Variants in ARRB1 observed in about 807,000 individuals in gnomAD.
ARRB1 encodes beta-arrestin-1.
In ARRB1, 21 loss-of-function variants were observed where a neutral mutation model predicts 56.8. That is an observed-to-expected ratio of 0.37 (90% CI 0.26 to 0.53). The LOEUF (loss-of-function observed/expected upper bound fraction) is 0.53. Among genes scored for constraint, ARRB1 ranks in the 20% least tolerant of loss-of-function variants. The pLI, the probability that ARRB1 is intolerant of heterozygous loss-of-function variation, is 0.88. For synonymous variants in ARRB1, 210 were observed against 218.6 expected (o/e 0.96, Z 0.35); for missense variants, 424 against 553.7 (o/e 0.77, Z 2.35).
chr11:75,329,819 T>TC (rs1355591688), intron 1 of ARRB1, among the ~76,000 whole-genome samples: 5 of 152,072 alleles, frequency 3.3e-5, no homozygotes, highest in Admixed American at 6.5e-5. Flanking sequence ...ATAGTAAGAC[T>TC]CCATCTCTAC....
chr11:75,306,879 G>A (rs1342666116), intron 1 of ARRB1, among the ~76,000 whole-genome samples: 5 of 152,296 alleles, frequency 3.3e-5, no homozygotes, highest in Admixed American at 6.5e-5. Context: ...CCCCAAGGAT[G>A]GTGACGGTCT....
intron 8 of ARRB1, among the ~76,000 whole-genome samples, chr11:75,277,960 C>T (rs919870183): frequency 3.3e-5 from 5 of 152,246 alleles, no homozygotes; most frequent in African/African-American, 9.6e-5. Context: ...TCTGAAGTCC[C>T]TGCCAGCTCT....
intron 1 of ARRB1, among the ~76,000 whole-genome samples, chr11:75,298,207 G>A (rs527339104): frequency 2.2e-3 from 332 of 149,168 alleles, no homozygotes; most frequent in African/African-American, 7.7e-3. Flanking sequence ...AAACCTGCAC[G>A]TTGTGCACAT....
At chr11:75,276,044 G>C (rs1302516592) in intron 10 of ARRB1, among the ~76,000 whole-genome samples, 2 of 152,124 alleles carry the variant, frequency 1.3e-5, no homozygotes, top group Non-Finnish European at 2.9e-5. Flanking sequence ...TCTAATCATA[G>C]CATGTTCACC....
At chr11:75,317,894 G>A (rs928675394) in intron 1 of ARRB1, among the ~76,000 whole-genome samples, 25 of 152,086 alleles carry the variant, frequency 1.6e-4, no homozygotes, top group African/African-American at 5.1e-4. Flanking sequence ...GACCAGCACC[G>A]AGGACTAGCT....
At position 75,283,494 on chromosome 11, in the gene ARRB1, C is replaced by G; in HGVS notation, c.158-11G>C. ...TCAGCGTCACATAGACTGTGGGGAG[C>G]GAGGAGCACTGAGGAGGGGCCTGGG... is the stretch of plus-strand genomic sequence containing the variant. On this transcript the variant is annotated splice_polypyrimidine_tract_variant and intron_variant, in intron 4 of 15. Coordinates refer to ENST00000420843, the MANE Select transcript of ARRB1 (RefSeq NM_004041.5). 1 of 1,594,752 alleles carries G rather than the reference C, an allele frequency of 6.3e-7. No individual in the cohort carries two copies. The highest frequency in any genetic ancestry group is 8.6e-7 in the Non-Finnish European group (1 of 1,168,540).
intron 1 of ARRB1, among the ~76,000 whole-genome samples, chr11:75,306,149 C>T (rs1159086934): frequency 6.6e-6 from 1 of 152,172 alleles, no homozygotes; most frequent in Non-Finnish European, 1.5e-5. Flanking sequence ...CATCCCTGCT[C>T]TGTGCCCAGC....
At chr11:75,314,899 G>C (rs537930500) in intron 1 of ARRB1, among the ~76,000 whole-genome samples, 1 of 152,108 alleles carries the variant, frequency 6.6e-6, no homozygotes, top group Non-Finnish European at 1.5e-5. Context: ...GAGCCACCAC[G>C]CCCAGCCAAC....
chr11:75,269,176 C>A (rs560755630), intron 13 of ARRB1: 2 of 737,234 alleles, frequency 2.7e-6, no homozygotes, highest in Admixed American at 3.5e-5. Flanking sequence ...GAAATGGAAG[C>A]CTCCTCTTTC....
intron 1 of ARRB1, among the ~76,000 whole-genome samples, chr11:75,328,131 G>C (rs575027948): frequency 6.6e-6 from 1 of 152,088 alleles, no homozygotes; most frequent in African/African-American, 2.4e-5. Flanking sequence ...GCAACTACCA[G>C]TGTCTGCTTT....
chr11:75,303,191 A>G (rs192370429), intron 1 of ARRB1, among the ~76,000 whole-genome samples: 1,929 of 152,106 alleles, frequency 0.013, 35 homozygotes, highest in African/African-American at 0.042. Flanking sequence ...TAGTAGAGAC[A>G]GGGTTTCACC....
At chr11:75,311,563 T>G (rs1168784417) in intron 1 of ARRB1, among the ~76,000 whole-genome samples, 5 of 152,218 alleles carry the variant, frequency 3.3e-5, no homozygotes, top group African/African-American at 1.2e-4. Flanking sequence ...CATAGCAGAC[T>G]GCACATTTCA....
At chr11:75,334,641 C>T (rs1458445872) in intron 1 of ARRB1, among the ~76,000 whole-genome samples, 1 of 152,222 alleles carries the variant, frequency 6.6e-6, no homozygotes, top group Non-Finnish European at 1.5e-5. Flanking sequence ...AAGGTCTTAT[C>T]TCCATTTTGC....
chr11:75,275,568 A>G (rs1313249605), intron 10 of ARRB1, among the ~76,000 whole-genome samples: 1 of 152,132 alleles, frequency 6.6e-6, no homozygotes, highest in Non-Finnish European at 1.5e-5. Context: ...GATCACATCC[A>G]TCATATATAG....
intron 7 of ARRB1, among the ~76,000 whole-genome samples, chr11:75,279,260 CG>C (rs1307470962): frequency 1.3e-5 from 2 of 152,124 alleles, no homozygotes; most frequent in African/African-American, 4.8e-5. Context: ...GAGGGGACAG[CG>C]GTCTCAAGAA....
intron 1 of ARRB1, among the ~76,000 whole-genome samples, chr11:75,340,805 A>T (rs887392145): frequency 1.3e-5 from 2 of 151,976 alleles, no homozygotes; most frequent in Non-Finnish European, 2.9e-5. Flanking sequence ...ATGCCAAGGG[A>T]CTTCCCTCCA....
rs780136886 is a variant in ARRB1 at position 75,277,349 on chromosome 11, C to T, written c.703+15G>A. 1.2e-6 allele frequency: 2 copies of T among 1,612,966 alleles called. No individual in the cohort carries two copies. The highest frequency in any genetic ancestry group is 2.2e-5 in the South Asian group (2 of 91,062). On this transcript the variant is annotated intron_variant, in intron 9 of 15. Coordinates refer to ENST00000420843, the MANE Select transcript of ARRB1 (RefSeq NM_004041.5). ...CCTCTCGCTGTCCCCTAAGCTGACCCTCTGTCTGGGATACCTGAGATCTTG... is the reference window on the plus strand; with the variant it reads ...CCTCTCGCTGTCCCCTAAGCTGACCTTCTGTCTGGGATACCTGAGATCTTG...
At position 75,281,216 on chromosome 11, in the gene ARRB1, A is replaced by AT. The variant is rs1389684808; in HGVS notation, c.415-75dup. The AT allele has an allele frequency of 3.3e-5, 47 of 1,403,778 alleles. No homozygotes were observed. The East Asian group carries it at 4.4e-4, about 13-fold the overall frequency. The allele number at this position is 1,403,778 out of a possible 1,614,324, so 87.0% of individuals were successfully genotyped here. On this transcript the variant is annotated intron_variant, in intron 6 of 15. Coordinates refer to ENST00000420843, the MANE Select transcript of ARRB1 (RefSeq NM_004041.5). Reference sequence around the variant, plus strand: ...CCAGTACACAGCCAGCCCACCTCTCATTTTACAAACGAGGACACTGGACAG... The same window carrying AT: ...CCAGTACACAGCCAGCCCACCTCTCATTTTTACAAACGAGGACACTGGACAG...
chr11:75,296,843 A>G (rs1189009785), intron 1 of ARRB1, among the ~76,000 whole-genome samples: 3 of 152,070 alleles, frequency 2.0e-5, no homozygotes, highest in Non-Finnish European at 4.4e-5. Flanking sequence ...ATGCCCAGCT[A>G]ATTTTTTGTA....
Sources: allele counts gnomAD v4.1 joint callset (sites outside exome capture counted in the v4.1 genomes callset), GRCh38; gene constraint gnomAD v4.1.1; transcripts MANE v1.5; gene names NCBI Gene and HGNC (gene_info 2026-07-23, HGNC 2026-07-21).